The following CLNK variants were observed in gnomAD, a reference collection of about 807,000 sequenced individuals.
CLNK encodes cytokine dependent hematopoietic cell linker, also known as cytokine-dependent hematopoietic cell linker.
In CLNK, 74 loss-of-function variants were observed where a neutral mutation model predicts 68.6. That is an observed-to-expected ratio of 1.08 (90% CI 0.89 to 1.31). The LOEUF is 1.31. Ranked by LOEUF, CLNK falls within the 50% of genes most tolerant of loss-of-function variation. CLNK has a pLI of 0.00. For synonymous variants in CLNK, 198 were observed against 172.2 expected, an observed-to-expected ratio of 1.15 and a Z score of -1.17; for missense variants, 553 against 515.3, an observed-to-expected ratio of 1.07 and a Z score of -0.71.
In CLNK at chr4:10,486,580, G is replaced by C. The variant is rs1296999506; in HGVS notation, c.*3887C>G. The C allele has an allele frequency of 6.6e-6, 1 of 151,870 alleles. No individual in the cohort carries two copies. Among genetic ancestry groups the C allele is most frequent in the African/African-American group, 2.4e-5 (1 of 41,288 alleles). The allele number at this position is 151,870 out of a possible 1,614,324, so 9.4% of individuals were successfully genotyped here. The stretch of plus-strand genomic sequence containing the variant: ...CACACATACATAATTGGCTACATTC[G>C]ACAATGGGGTTCATTTGATTCCTCC... On this transcript the variant is annotated 3_prime_UTR_variant, in exon 19 of 19. Transcript: ENST00000226951.
chr4:10,585,891 C>G (rs1720947365), intron 3 of CLNK, among the ~76,000 whole-genome samples: 1 of 152,196 alleles, frequency 6.6e-6, no homozygotes, highest in African/African-American at 2.4e-5. Flanking sequence ...CTCAGTGGTC[C>G]TCAACCATTT....
chr4:10,726,631 C>T, the CLNK span, among the ~76,000 whole-genome samples: 1 of 152,132 alleles, frequency 6.6e-6, no homozygotes, highest in Non-Finnish European at 1.5e-5. Context: ...CAGGGTAGAG[C>T]GAAGATTTCA....
chr4:10,620,467 C>T (rs868298652), intron 2 of CLNK, among the ~76,000 whole-genome samples: 1 of 152,210 alleles, frequency 6.6e-6, no homozygotes, highest in Non-Finnish European at 1.5e-5. Flanking sequence ...CTCAGTAGGA[C>T]TCCCTCTAAC....
chr4:10,718,528 AG>A, the CLNK span, among the ~76,000 whole-genome samples: 1 of 152,108 alleles, frequency 6.6e-6, no homozygotes. Flanking sequence ...CTGTAAAGCC[AG>A]CATTTTATAT....
chr4:10,593,376 G>A (rs1029067116), intron 3 of CLNK, among the ~76,000 whole-genome samples: 4 of 152,052 alleles, frequency 2.6e-5, no homozygotes, highest in Non-Finnish European at 5.9e-5. Flanking sequence ...GACTCCAGGC[G>A]GGGCACGGTG....
chr4:10,691,839 C>T, the CLNK span, among the ~76,000 whole-genome samples: 186 of 152,166 alleles, frequency 1.2e-3, no homozygotes, highest in African/African-American at 3.7e-3. Flanking sequence ...CATGAAACAC[C>T]GCCGAGGAAT....
At chr4:10,513,727 C>T (rs1422391537) in intron 15 of CLNK, 130 bp from the exon 16 acceptor site, 1 of 765,562 alleles carries the variant, frequency 1.3e-6, no homozygotes, top group East Asian at 3.2e-5. Context: ...AACACCATAT[C>T]AGCTCACTCA....
At chr4:10,603,733 A>C (rs1187137251) in intron 2 of CLNK, among the ~76,000 whole-genome samples, 1 of 152,160 alleles carries the variant, frequency 6.6e-6, no homozygotes, top group Non-Finnish European at 1.5e-5. Flanking sequence ...GGCCAGGTCT[A>C]TGCACTCCTG....
At chr4:10,699,981 T>C in the CLNK span, among the ~76,000 whole-genome samples, 1 of 150,198 alleles carries the variant, frequency 6.7e-6, no homozygotes. Flanking sequence ...CTTGTGGATA[T>C]AAAGGACTGA....
chr4:10,679,269 G>A (rs2108902142), intron 1 of CLNK, among the ~76,000 whole-genome samples: 1 of 152,302 alleles, frequency 6.6e-6, no homozygotes, highest in East Asian at 1.9e-4. Flanking sequence ...ATGGGGAAAG[G>A]ATTCCATATT....
chr4:10,501,132 G>A, intron 18 of CLNK, 124 bp downstream of exon 18: 1 of 937,374 alleles, frequency 1.1e-6, no homozygotes, highest in Non-Finnish European at 1.5e-6. Context: ...GAAGGGGTGG[G>A]GAGGTCAGAC....
chr4:10,666,366 C>A (rs1253027795), intron 2 of CLNK, among the ~76,000 whole-genome samples: 1 of 152,194 alleles, frequency 6.6e-6, no homozygotes, highest in Non-Finnish European at 1.5e-5. Context: ...CTGCCATTTG[C>A]CACGTTTATC....
intron 8 of CLNK, among the ~76,000 whole-genome samples, chr4:10,556,371 C>A (rs940748929): frequency 8.5e-5 from 13 of 152,122 alleles, no homozygotes; most frequent in Non-Finnish European, 1.9e-4. Context: ...TTAATTATGT[C>A]ATCTATGTAG....
At chr4:10,669,771 C>A (rs918884833) in intron 1 of CLNK, among the ~76,000 whole-genome samples, 2 of 152,118 alleles carry the variant, frequency 1.3e-5, no homozygotes, top group Admixed American at 1.3e-4. Flanking sequence ...ATCCCCTCGT[C>A]TTATGCTTGT....
the CLNK span, among the ~76,000 whole-genome samples, chr4:10,734,052 C>A: frequency 6.6e-6 from 1 of 152,166 alleles, no homozygotes; most frequent in Non-Finnish European, 1.5e-5. Flanking sequence ...CAAACCACTA[C>A]TCAATAAGCA....
the CLNK span, among the ~76,000 whole-genome samples, chr4:10,731,913 C>T: frequency 1.0e-3 from 155 of 152,278 alleles, no homozygotes; most frequent in South Asian, 0.032. Flanking sequence ...AAAGGATTAG[C>T]AACGGTCTCT....
rs869196104 is a variant in CLNK at position 10,655,637 on chromosome 4, ATTTTTTTTTTTTTTT to A, written c.11+12207_11+12221del. ...GATGAGTGGAGGAGGGATAGATAGC[ATTTTTTTTTTTTTTT>A]TTTTTTTTTTTTTTTGAGACAGAGT... On this transcript the variant is annotated intron_variant, in intron 2 of 18. Transcript: ENST00000226951. Among the ~76,000 whole-genome samples, 12 of 74,806 alleles carry A rather than the reference ATTTTTTTTTTTTTTT, an allele frequency of 1.6e-4. No individual in the cohort carries two copies. In the East Asian group the frequency reaches 4.5e-3, roughly 28 times the overall value. 49.1% of individuals were successfully genotyped at this position (74,806 alleles called of 152,430 possible).
intron 15 of CLNK, 146 bp from the exon 16 acceptor site, chr4:10,513,743 C>T (rs960347836): frequency 3.1e-6 from 2 of 650,006 alleles, no homozygotes; most frequent in African/African-American, 3.8e-5. Flanking sequence ...ACTCAGTGAC[C>T]TTAATTCTCT....
chr4:10,638,288 C>G (rs73810345), intron 2 of CLNK, among the ~76,000 whole-genome samples: 6,391 of 152,236 alleles, frequency 0.042, 344 homozygotes, highest in African/African-American at 0.12. Context: ...TGTAGGATGC[C>G]TGTGTAATAA....
Sources: gnomAD v4.1 joint callset for allele counts (sites outside exome capture counted in the v4.1 genomes callset) on GRCh38, gnomAD v4.1.1 for gene constraint, MANE v1.5 for transcripts, NCBI Gene and HGNC (gene_info 2026-07-23, HGNC 2026-07-21) for gene names.